The following DACH2 variants were observed in gnomAD, a reference collection of about 807,000 sequenced individuals.
DACH2 encodes dachshund family transcription factor 2.
Under a neutral mutation model 35.8 loss-of-function variants are expected in DACH2, and 17 were observed. The ratio of observed to expected loss-of-function variants is 0.48; its 90% confidence interval spans 0.33 to 0.71. The LOEUF is 0.71. Among genes scored for constraint, DACH2 ranks in the 30% least tolerant of loss-of-function variants. The pLI is 0.02. For missense variants in DACH2, 469 were observed against 472.7 expected, an observed-to-expected ratio of 0.99 and a Z score of 0.07; for synonymous variants, 195 against 177.3, an observed-to-expected ratio of 1.10 and a Z score of -0.79.
chrX:86,701,756 A>C (rs2041146453), intron 5 of DACH2, among the ~76,000 whole-genome samples: 1 of 111,631 alleles, frequency 9.0e-6, no homozygotes, highest in South Asian at 3.8e-4. Flanking sequence ...TAAGAAACTA[A>C]TGCACGAACA....
At chrX:86,245,205 G>T (rs1377744670) in intron 1 of DACH2, among the ~76,000 whole-genome samples, 2 of 111,593 alleles carry the variant, frequency 1.8e-5, no homozygotes, top group African/African-American at 6.5e-5. Flanking sequence ...CAGTGTTCCT[G>T]CTGGCAGTAA....
chrX:86,460,677 A>G (rs2037556326), intron 2 of DACH2, among the ~76,000 whole-genome samples: 1 of 110,963 alleles, frequency 9.0e-6, no homozygotes. Flanking sequence ...AAACTTAGTG[A>G]TCTAAAAGAC....
intron 1 of DACH2, among the ~76,000 whole-genome samples, chrX:86,215,912 G>A (rs992805398): frequency 6.2e-5 from 7 of 112,369 alleles, no homozygotes; most frequent in Non-Finnish European, 1.1e-4. Context: ...AACTTTGTTA[G>A]CGGTTCTCAG....
chrX:86,729,287 C>G (rs2041506184), intron 6 of DACH2, among the ~76,000 whole-genome samples: 1 of 112,111 alleles, frequency 8.9e-6, no homozygotes, highest in Non-Finnish European at 1.9e-5. Context: ...TGGGACCTTT[C>G]TTTTGGCTGA....
At chrX:86,341,745 A>G (rs1434823931) in intron 1 of DACH2, among the ~76,000 whole-genome samples, 1 of 112,451 alleles carries the variant, frequency 8.9e-6, no homozygotes, top group Non-Finnish European at 1.9e-5. Context: ...AGGTCAATAT[A>G]TCAACATCAA....
intron 1 of DACH2, among the ~76,000 whole-genome samples, chrX:86,275,317 A>G (rs187782008): frequency 8.9e-6 from 1 of 112,355 alleles, no homozygotes; most frequent in East Asian, 2.8e-4. Flanking sequence ...AAATGAATTC[A>G]TGTACAGGGA....
intron 1 of DACH2, among the ~76,000 whole-genome samples, chrX:86,241,076 G>A (rs1198039740): frequency 1.3e-4 from 14 of 111,940 alleles, no homozygotes; most frequent in African/African-American, 3.6e-4. Flanking sequence ...CAGTAGTGGG[G>A]CGATGCTATA....
In DACH2 at chrX:86,695,047, G is replaced by T; in HGVS notation, c.799G>T (p.Asp267Tyr). 8.9e-7 allele frequency: 1 copy of T among 1,120,965 alleles called. No individual in the cohort carries two copies. Among genetic ancestry groups the T allele is most frequent in the Non-Finnish European group, 1.2e-6 (1 of 847,989 alleles). The allele number at this position is 1,120,965 out of a possible 1,213,427, so 92.4% of individuals were successfully genotyped here. Residue 267 changes from aspartate (D) to tyrosine (Y), a missense_variant, in exon 5 of 12, where the codon GAT becomes TAT. Coordinates refer to ENST00000373125, the MANE Select transcript of DACH2 (RefSeq NM_053281.3). ...TGGAAGTGAATCCTCCTGGGATAAA[G>T]ATAAGATGCAGTCTCCATTTGCTGC... ...TGGSESSWDK[D>Y]KMQSPFAAPG...
Position 86,812,926 on chromosome X carries a change from A to G in DACH2, c.1311A>G (p.Ala437=). 8.3e-7 allele frequency: 1 copy of G among 1,207,824 alleles called. No homozygotes were observed. Among genetic ancestry groups the G allele is most frequent in the East Asian group, 3.0e-5 (1 of 33,736 alleles). ...LDKIQLTPGQ[A]LPAGFPGPFI... ...AGATACAGCTGACTCCTGGGCAGGC[A>G]TTGCCCGCTGGATTCCCTGGACCAT... Residue 437 remains alanine (A), a synonymous_variant, in exon 8 of 12, where the codon GCA becomes GCG. Transcript: ENST00000373125.
At chrX:86,602,046 C>A (rs2039796112) in intron 3 of DACH2, among the ~76,000 whole-genome samples, 1 of 112,130 alleles carries the variant, frequency 8.9e-6, no homozygotes, top group South Asian at 3.6e-4. Context: ...ACACTCATGA[C>A]CAGCAACTAC....
chrX:86,825,238 A>C (rs1030385776), intron 11 of DACH2, among the ~76,000 whole-genome samples: 2 of 110,404 alleles, frequency 1.8e-5, no homozygotes, highest in African/African-American at 6.6e-5. Context: ...AACATGGAGA[A>C]ATTTTTAGTC....
intron 4 of DACH2, among the ~76,000 whole-genome samples, chrX:86,678,982 A>G (rs1387149283): frequency 9.0e-6 from 1 of 111,379 alleles, no homozygotes; most frequent in Admixed American, 9.6e-5. Flanking sequence ...CCAGATCTCC[A>G]TGTCCTTTTA....
chrX:86,321,990 C>T (rs1472541009), intron 1 of DACH2, among the ~76,000 whole-genome samples: 1 of 110,107 alleles, frequency 9.1e-6, no homozygotes, highest in African/African-American at 3.3e-5. Flanking sequence ...TGGAGGAGCT[C>T]ATGGTGCAGT....
intron 7 of DACH2, among the ~76,000 whole-genome samples, chrX:86,759,434 CTACTCCTACTTGCTTTTGGTTT>C (rs1044364310): frequency 1.8e-5 from 2 of 111,391 alleles, no homozygotes; most frequent in African/African-American, 6.5e-5. Context: ...CTAAGTATAG[CTACTCCTACTTGCTTTTGGTTT>C]TCATCTGCAT....
intron 2 of DACH2, among the ~76,000 whole-genome samples, chrX:86,490,210 AT>A (rs776600742): frequency 1.2e-3 from 135 of 111,866 alleles, no homozygotes; most frequent in Admixed American, 2.1e-3. Flanking sequence ...GCTATTCTTT[AT>A]TTTTTCTTCC....
intron 5 of DACH2, among the ~76,000 whole-genome samples, chrX:86,699,228 C>A (rs767301437): frequency 8.9e-6 from 1 of 112,030 alleles, no homozygotes. Context: ...ATTTACAGAA[C>A]ATTTTACCCA....
chrX:86,490,579 A>G (rs1454232557), intron 2 of DACH2, among the ~76,000 whole-genome samples: 3 of 111,524 alleles, frequency 2.7e-5, no homozygotes, highest in African/African-American at 6.5e-5. Flanking sequence ...TCAATTCTGG[A>G]AGAACTGATC....
chrX:86,510,824 C>G (rs1236855773), intron 2 of DACH2, among the ~76,000 whole-genome samples: 1 of 111,444 alleles, frequency 9.0e-6, no homozygotes, highest in Non-Finnish European at 1.9e-5. Flanking sequence ...TGTAAAAAGG[C>G]CTGTTTTATT....
chrX:86,819,977 T>TA (rs965885260), intron 11 of DACH2, among the ~76,000 whole-genome samples: 8 of 111,081 alleles, frequency 7.2e-5, no homozygotes, highest in African/African-American at 2.0e-4. Flanking sequence ...TTCCTAAATT[T>TA]AAAAAAAATG....
Sources: gnomAD v4.1 joint callset for allele counts (sites outside exome capture counted in the v4.1 genomes callset) on GRCh38, gnomAD v4.1.1 for gene constraint, MANE v1.5 for transcripts, NCBI Gene and HGNC (gene_info 2026-07-23, HGNC 2026-07-21) for gene names.